The following PIK3C2A variants were observed in gnomAD, a reference collection of about 807,000 sequenced individuals.
PIK3C2A encodes phosphatidylinositol 4-phosphate 3-kinase C2 domain-containing subunit alpha.
PIK3C2A carries 97 observed loss-of-function variants against 204.5 expected under a neutral mutation model. The observed-to-expected ratio is 0.47, with a 90% CI of 0.40 to 0.56. PIK3C2A has a LOEUF of 0.56. Ranked by LOEUF, PIK3C2A falls within the 20% of genes least tolerant of loss-of-function variation. The pLI, the probability that PIK3C2A is intolerant of heterozygous loss-of-function variation, is 0.00. For synonymous variants in PIK3C2A, 653 were observed against 664.4 expected (o/e 0.98, Z 0.26); for missense variants, 1,735 against 1,969.2 (o/e 0.88, Z 2.25).
At chr11:17,147,984 G>A (rs1347915848) in intron 5 of PIK3C2A, among the ~76,000 whole-genome samples, 2 of 152,200 alleles carry the variant, frequency 1.3e-5, no homozygotes, top group East Asian at 1.9e-4. Flanking sequence ...TTGGGAGGCC[G>A]AGGCGGGTGG....
At chr11:17,101,728 C>T (rs572256635) in intron 24 of PIK3C2A, among the ~76,000 whole-genome samples, 7 of 151,774 alleles carry the variant, frequency 4.6e-5, no homozygotes, top group South Asian at 2.1e-4. Context: ...CTCAGCCTCC[C>T]GAGTAGCCGG....
In PIK3C2A at chr11:17,110,418, G is replaced by C; in HGVS notation, c.3544+14C>G. 6.2e-7 allele frequency: 1 copy of C among 1,602,482 alleles called. No individual in the cohort carries two copies. The highest frequency in any genetic ancestry group is 8.5e-7 in the Non-Finnish European group (1 of 1,174,640). The stretch of plus-strand genomic sequence containing the variant: ...GAAAAAAATAAGACATCAAGACACA[G>C]CTAATAAACTTACCTCGATCTCTGC... On this transcript the variant is annotated intron_variant, in intron 22 of 32. Transcript: ENST00000691414.
At chr11:17,198,811 C>A (rs796345182) in intron 1 of PIK3C2A, among the ~76,000 whole-genome samples, 1,063 of 97,696 alleles carry the variant, frequency 0.011, 21 homozygotes, top group African/African-American at 0.041. Flanking sequence ...AAAAACAAAA[C>A]AAAACAAAAA....
intron 1 of PIK3C2A, among the ~76,000 whole-genome samples, chr11:17,180,983 C>T (rs1851529681): frequency 6.6e-6 from 1 of 152,176 alleles, no homozygotes; most frequent in Non-Finnish European, 1.5e-5. Flanking sequence ...AACTCAGGAA[C>T]AGCCAAATGG....
intron 2 of PIK3C2A, among the ~76,000 whole-genome samples, chr11:17,163,263 G>A (rs1457237022): frequency 4.6e-5 from 7 of 152,040 alleles, no homozygotes; most frequent in African/African-American, 1.5e-4. Flanking sequence ...CCGAGATCAC[G>A]CCACTGCACT....
chr11:17,191,453 G>A (rs1029119416), intron 1 of PIK3C2A, among the ~76,000 whole-genome samples: 1 of 152,110 alleles, frequency 6.6e-6, no homozygotes, highest in African/African-American at 2.4e-5. Context: ...GAGCTTCCCC[G>A]GATGGCAACA....
intron 1 of PIK3C2A, chr11:17,193,954 G>A: frequency 6.0e-6 from 2 of 331,428 alleles, no homozygotes; most frequent in South Asian, 1.5e-4. Flanking sequence ...TCTCAAGGGG[G>A]TGGACCCCAA....
rs567625328 is a variant in PIK3C2A, at chr11:17,111,325, A to G, written c.3415-764T>C. Among the ~76,000 whole-genome samples, 39 of 152,346 alleles carry G rather than the reference A, an allele frequency of 2.6e-4. 1 individual carries two copies. The highest frequency in any genetic ancestry group is 7.7e-4 in the African/African-American group (32 of 41,582). ...TGATACTGCACTACAGTTATACAAG[A>G]TATTACTATGAAGAAGAGTACACAG... On this transcript the variant is annotated intron_variant, in intron 21 of 32. Transcript: ENST00000691414.
At chr11:17,158,473 G>GA (rs529275532) in intron 2 of PIK3C2A, among the ~76,000 whole-genome samples, 53 of 151,412 alleles carry the variant, frequency 3.5e-4, no homozygotes, top group African/African-American at 1.2e-3. Context: ...CCATTTTATG[G>GA]AAAAAATGAG....
At chr11:17,171,906 T>G (rs1030988132) in intron 1 of PIK3C2A, among the ~76,000 whole-genome samples, 1 of 152,156 alleles carries the variant, frequency 6.6e-6, no homozygotes, top group Non-Finnish European at 1.5e-5. Flanking sequence ...GCTCTTACAA[T>G]TTACTTTGAA....
chr11:17,195,676 G>A (rs1852124835), intron 1 of PIK3C2A, among the ~76,000 whole-genome samples: 1 of 151,762 alleles, frequency 6.6e-6, no homozygotes, highest in African/African-American at 2.4e-5. Flanking sequence ...CCAGGAGGCG[G>A]AGGTTGCAGT....
At chr11:17,183,823 G>A (rs1198572283) in intron 1 of PIK3C2A, among the ~76,000 whole-genome samples, 1 of 152,004 alleles carries the variant, frequency 6.6e-6, no homozygotes, top group Non-Finnish European at 1.5e-5. Flanking sequence ...AATGGGCCAG[G>A]TGCAGTGGCT....
In PIK3C2A at chr11:17,169,303, G is replaced by A; in HGVS notation, c.439C>T (p.Pro147Ser). The change falls in exon 2 of 33, where the codon CCT becomes TCT. Residue 147 changes from proline (P) to serine (S), a missense_variant. Around this residue, in one of 6 missense-constraint regions of PIK3C2A, gnomAD observed 536 missense variants for 546.7 expected, o/e 0.98. Coordinates refer to ENST00000691414, the MANE Select transcript of PIK3C2A (RefSeq NM_002645.4). ...GGTAAAGCATAAGTGGAAGGCCCAG[G>A]TAATCCAGGTGGCCACTGTCCTCTC... ...IQRGQWPPGL[P>S]GPSTYALPSI... 5 of 1,614,154 alleles carry A rather than the reference G, an allele frequency of 3.1e-6. No homozygotes were observed. The East Asian group carries it at 8.9e-5, about 29-fold the overall frequency.
rs769258727 is a variant in PIK3C2A, at chr11:17,091,471, A to G, written c.4753-12T>C. On this transcript the variant is annotated splice_polypyrimidine_tract_variant and intron_variant, in intron 31 of 32. Transcript: ENST00000691414. ...CCATCTTCAGTAACCTAAAAAGAAA[A>G]GCAGTCCCTTAATAGTAATGCTTCC... The G allele has an allele frequency of 6.2e-7, 1 of 1,611,042 alleles. No individual in the cohort carries two copies. Among genetic ancestry groups the G allele is most frequent in the South Asian group, 1.1e-5 (1 of 90,214 alleles).
intron 25 of PIK3C2A, 75 bp downstream of exon 25, chr11:17,101,203 A>G: frequency 1.1e-6 from 1 of 882,206 alleles, no homozygotes; most frequent in Non-Finnish European, 1.7e-6. Flanking sequence ...CAAAATCACA[A>G]AATAATCTTT....
intron 15 of PIK3C2A, 143 bp downstream of exon 15, chr11:17,122,045 A>G: frequency 2.0e-6 from 1 of 509,224 alleles, no homozygotes; most frequent in Non-Finnish European, 3.4e-6. Context: ...AAAAAAAAGG[A>G]AAAAAAGTAA....
chr11:17,205,473 CAAAAAAAAAAAAAA>C (rs755518412), intron 1 of PIK3C2A, among the ~76,000 whole-genome samples: 2 of 25,366 alleles, frequency 7.9e-5, no homozygotes, highest in East Asian at 6.8e-4. Flanking sequence ...GACTCCATCT[CAAAAAAAAAAAAAA>C]AAAAAAAAAA....
intron 2 of PIK3C2A, among the ~76,000 whole-genome samples, chr11:17,158,555 G>A (rs973731543): frequency 6.6e-6 from 1 of 151,952 alleles, no homozygotes; most frequent in Non-Finnish European, 1.5e-5. Context: ...AACCCAGGCA[G>A]TCTGGCTTCA....
chr11:17,201,894 T>A (rs1852399782), intron 1 of PIK3C2A, among the ~76,000 whole-genome samples: 1 of 152,214 alleles, frequency 6.6e-6, no homozygotes, highest in South Asian at 2.1e-4. Flanking sequence ...TATTTCTTTA[T>A]ACACTCCAAA....
Sources: gnomAD v4.1 joint callset for allele counts (sites outside exome capture counted in the v4.1 genomes callset) on GRCh38, gnomAD v4.1.1 for gene constraint, gnomAD v4.1.1 regional missense constraint, MANE v1.5 for transcripts, NCBI Gene and HGNC (gene_info 2026-07-23, HGNC 2026-07-21) for gene names.